The following UPP2 variants were observed in gnomAD, a reference collection of about 807,000 sequenced individuals.
UPP2 encodes uridine phosphorylase 2, also known as UPase 2.
Under a neutral mutation model 26.7 loss-of-function variants are expected in UPP2, and 23 were observed. The ratio of observed to expected loss-of-function variants is 0.86; its 90% CI spans 0.62 to 1.22. UPP2 has a LOEUF of 1.22. Among genes scored for constraint, UPP2 ranks in the 50% most tolerant of loss-of-function variants. The pLI, the probability that UPP2 is intolerant of heterozygous loss-of-function variation, is 0.00. For missense variants in UPP2, 387 were observed against 396.7 expected (o/e 0.98, Z 0.21); for synonymous variants, 127 against 141.3 (o/e 0.90, Z 0.72).
chr2:158,127,712 C>T (rs1168664072), intron 6 of UPP2, among the ~76,000 whole-genome samples: 2 of 152,172 alleles, frequency 1.3e-5, no homozygotes, highest in Admixed American at 1.3e-4. Flanking sequence ...GGACAAACTA[C>T]CTATAATAAG....
intron 3 of UPP2, among the ~76,000 whole-genome samples, chr2:158,096,596 C>G (rs1003916355): frequency 6.7e-6 from 1 of 149,136 alleles, no homozygotes; most frequent in Non-Finnish European, 1.5e-5. Flanking sequence ...AAGACTCTGT[C>G]TCAAAAATAA....
chr2:158,027,709 T>C lies in UPP2; in HGVS notation c.147+11823T>C, dbSNP rs551923940. ...CCCACATTTCCCTTCTGCACTGACCTAGCAGTAATTCTCCATGAGTGCCCC... is the reference window on the plus strand; with the variant it reads ...CCCACATTTCCCTTCTGCACTGACCCAGCAGTAATTCTCCATGAGTGCCCC... On this transcript the variant is annotated intron_variant, in intron 3 of 9. Coordinates refer to the UPP2 transcript ENST00000605860. 2.6e-5 allele frequency among the ~76,000 whole-genome samples: 4 copies of C among 152,356 alleles called. No homozygotes were observed. In the East Asian group the frequency reaches 7.7e-4, roughly 29 times the overall value.
At chr2:158,098,249 C>T (rs1382942957), upstream of UPP2, among the ~76,000 whole-genome samples, 2 of 152,232 alleles carry the variant, frequency 1.3e-5, no homozygotes, top group African/African-American at 4.8e-5. Context: ...GCGGTGACCA[C>T]CCACCCTTGG....
chr2:158,118,243 G>C (rs1683484020), intron 4 of UPP2, among the ~76,000 whole-genome samples: 2 of 151,668 alleles, frequency 1.3e-5, no homozygotes, highest in Admixed American at 1.3e-4. Flanking sequence ...TAAATTTCAA[G>C]TCTTAGGAGT....
At chr2:158,044,488 G>A (rs1051974685) in intron 3 of UPP2, among the ~76,000 whole-genome samples, 6 of 152,126 alleles carry the variant, frequency 3.9e-5, no homozygotes, top group Admixed American at 3.9e-4. Context: ...AGAGAGTCAG[G>A]TCAGCCAGCT....
intron 6 of UPP2, among the ~76,000 whole-genome samples, chr2:158,125,420 C>CTTTT (rs11313905): frequency 7.0e-6 from 1 of 142,536 alleles, no homozygotes; most frequent in African/African-American, 2.6e-5. Flanking sequence ...TTTTTGTACT[C>CTTTT]TTTTTTTTTT....
chr2:158,078,281 G>T (rs369437645), intron 3 of UPP2, among the ~76,000 whole-genome samples: 45 of 152,220 alleles, frequency 3.0e-4, no homozygotes, highest in African/African-American at 1.1e-3. Flanking sequence ...CCACTGCTGG[G>T]TATATTCTCA....
At chr2:158,023,696 C>T (rs1048674813) in intron 3 of UPP2, among the ~76,000 whole-genome samples, 2 of 152,072 alleles carry the variant, frequency 1.3e-5, no homozygotes, top group African/African-American at 2.4e-5. Flanking sequence ...AGCAGAGGTG[C>T]CTCTCCTTCT....
intron 3 of UPP2, among the ~76,000 whole-genome samples, chr2:158,055,262 T>G (rs1682229002): frequency 6.6e-6 from 1 of 152,112 alleles, no homozygotes; most frequent in South Asian, 2.1e-4. Flanking sequence ...CGGGTCTCTT[T>G]TATAAAGCCA....
At chr2:158,099,331 C>A (rs1355583272), upstream of UPP2, among the ~76,000 whole-genome samples, 1 of 152,148 alleles carries the variant, frequency 6.6e-6, no homozygotes, top group African/African-American at 2.4e-5. Context: ...CTCTCTCAAG[C>A]CATTGCTGGT....
At chr2:158,000,743 G>A (rs1683392160) in intron 2 of UPP2, among the ~76,000 whole-genome samples, 1 of 152,250 alleles carries the variant, frequency 6.6e-6, no homozygotes, top group African/African-American at 2.4e-5. Context: ...GTTCTGACAG[G>A]CAAGGCCTGG....
At chr2:158,017,900 T>A (rs1037300692) in intron 3 of UPP2, among the ~76,000 whole-genome samples, 3 of 152,242 alleles carry the variant, frequency 2.0e-5, no homozygotes, top group Admixed American at 1.3e-4. Flanking sequence ...TTTTTAAGCT[T>A]ATATACTTTG....
intron 3 of UPP2, among the ~76,000 whole-genome samples, chr2:158,025,304 T>C (rs947288354): frequency 6.6e-6 from 1 of 151,906 alleles, no homozygotes; most frequent in Non-Finnish European, 1.5e-5. Flanking sequence ...CCCAGGGCCA[T>C]TGTGGACCAA....
At chr2:158,078,101 A>C (rs1682659550) in intron 3 of UPP2, among the ~76,000 whole-genome samples, 1 of 152,186 alleles carries the variant, frequency 6.6e-6, no homozygotes, top group Non-Finnish European at 1.5e-5. Flanking sequence ...CACCCCAATA[A>C]AAATGGCTTT....
chr2:158,030,768 A>G (rs1381803804), intron 3 of UPP2, among the ~76,000 whole-genome samples: 1 of 152,180 alleles, frequency 6.6e-6, no homozygotes, highest in Non-Finnish European at 1.5e-5. Flanking sequence ...TTTTCATCCC[A>G]CTTCTCTAAG....
chr2:158,012,813 G>A (rs1164364228), intron 2 of UPP2, among the ~76,000 whole-genome samples: 2 of 151,990 alleles, frequency 1.3e-5, no homozygotes, highest in African/African-American at 2.4e-5. Context: ...GTTTTTATGT[G>A]TACATATACT....
intron 3 of UPP2, among the ~76,000 whole-genome samples, chr2:158,023,709 C>T (rs972398905): frequency 1.3e-5 from 2 of 152,090 alleles, no homozygotes; most frequent in African/African-American, 4.8e-5. Flanking sequence ...CTCCTTCTAA[C>T]TGCCTTTTGC....
intron 6 of UPP2, chr2:158,126,780 G>A (rs1279229279): frequency 6.6e-6 from 1 of 152,148 alleles, no homozygotes; most frequent in Non-Finnish European, 1.5e-5. Context: ...CTGATGGTAA[G>A]CAATATGGAA....
At chr2:158,132,185 A>G (rs958451174) in intron 6 of UPP2, among the ~76,000 whole-genome samples, 5 of 152,226 alleles carry the variant, frequency 3.3e-5, no homozygotes, top group Admixed American at 3.3e-4. Context: ...CTGAGTTTTG[A>G]ATAAATAGGG....
Sources: gnomAD v4.1 joint callset for allele counts (sites outside exome capture counted in the v4.1 genomes callset) on GRCh38, gnomAD v4.1.1 for gene constraint, MANE v1.5 for transcripts, NCBI Gene and HGNC (gene_info 2026-07-23, HGNC 2026-07-21) for gene names.